The following CAMTA1 variants were observed in gnomAD, a reference collection of about 807,000 sequenced individuals.
CAMTA1 encodes the protein calmodulin binding transcription activator 1, also known as calmodulin-binding transcription activator 1.
Under a neutral mutation model 170.9 loss-of-function variants are expected in CAMTA1, and 27 were observed. That is an observed-to-expected ratio of 0.16 (90% CI 0.12 to 0.22). The LOEUF (loss-of-function observed/expected upper bound fraction) is 0.22. CAMTA1 is among the 10% of genes least tolerant of loss of function. CAMTA1 has a pLI of 1.00. For missense variants in CAMTA1, 1,619 were observed against 2,217.2 expected, an observed-to-expected ratio of 0.73 and a Z score of 5.42; for synonymous variants, 833 against 891.5, an observed-to-expected ratio of 0.93 and a Z score of 1.17.
chr1:7,766,504 G>C lies in CAMTA1; in HGVS notation c.*13G>C, dbSNP rs750841256. On this transcript the variant is annotated 3_prime_UTR_variant, in exon 23 of 23. Coordinates refer to ENST00000303635, the MANE Select transcript of CAMTA1 (RefSeq NM_015215.4). ...CCAAGGAACTTGAAGACATACAGCA[G>C]CATCCCTTAGCAATGTGACATTGCT... is the stretch of plus-strand genomic sequence containing the variant. 1 of 1,612,946 alleles carries C rather than the reference G, an allele frequency of 6.2e-7. No individual in the cohort carries two copies. Among genetic ancestry groups the C allele is most frequent in the Non-Finnish European group, 8.5e-7 (1 of 1,178,960 alleles).
In CAMTA1 at chr1:7,456,991, G is replaced by C. The variant is rs2693956; in HGVS notation, c.439-10839G>C. On this transcript the variant is annotated intron_variant, in intron 5 of 22. Transcript: ENST00000303635. The surrounding 1 kb of genome is among the most constrained non-coding windows in gnomAD (Gnocchi z 4.9). ...CAGCAGAGTTCGGCGCCGCCCTCCC[G>C]TTCCTCCTCCCTCCCATTCTTCCTC... is the stretch of plus-strand genomic sequence containing the variant. Among the ~76,000 whole-genome samples the C allele has an allele frequency of 6.7e-6, 1 of 149,664 alleles. No homozygotes were observed. The highest frequency in any genetic ancestry group is 1.5e-5 in the Non-Finnish European group (1 of 67,618).
chr1:6,992,846 A>G (rs1174526212), intron 3 of CAMTA1, among the ~76,000 whole-genome samples: 2 of 152,244 alleles, frequency 1.3e-5, no homozygotes, highest in East Asian at 1.9e-4. Context: ...ACAATTTGGC[A>G]TGATATTTGG....
chr1:7,759,342 T>G (rs1315040491), intron 22 of CAMTA1, among the ~76,000 whole-genome samples: 1 of 152,130 alleles, frequency 6.6e-6, no homozygotes, highest in South Asian at 2.1e-4. Context: ...ACCACTTGTG[T>G]CTTGAAATGT....
At chr1:7,687,121 C>T (rs1007785586) in intron 11 of CAMTA1, among the ~76,000 whole-genome samples, 9 of 151,492 alleles carry the variant, frequency 5.9e-5, no homozygotes, top group Non-Finnish European at 1.2e-4. Flanking sequence ...CGTTTAGCGC[C>T]CTAGGTCTGA....
At chr1:7,270,291 A>ATATTTTTT (rs1336977888) in intron 5 of CAMTA1, among the ~76,000 whole-genome samples, 12 of 110,544 alleles carry the variant, frequency 1.1e-4, no homozygotes, top group South Asian at 9.6e-4. Flanking sequence ...ATATATATAT[A>ATATTTTTT]TTTTTTTTTT....
intron 5 of CAMTA1, among the ~76,000 whole-genome samples, chr1:7,355,821 A>G (rs1055063559): frequency 1.8e-5 from 2 of 113,938 alleles, no homozygotes; most frequent in African/African-American, 3.5e-5. Context: ...CTCACAGGCC[A>G]CCTTGCTGGT....
intron 6 of CAMTA1, among the ~76,000 whole-genome samples, chr1:7,598,320 T>G (rs998506894): frequency 6.6e-6 from 1 of 152,252 alleles, no homozygotes; most frequent in Admixed American, 6.5e-5. Context: ...CACATTTTCT[T>G]AATCCAGTCT....
intron 5 of CAMTA1, among the ~76,000 whole-genome samples, chr1:7,385,293 G>T (rs2087823061): frequency 6.6e-6 from 1 of 152,024 alleles, no homozygotes; most frequent in Non-Finnish European, 1.5e-5. Context: ...GTTTCACCGT[G>T]TTAGCCAGGA....
chr1:7,218,442 G>A (rs1660146666), intron 4 of CAMTA1, among the ~76,000 whole-genome samples: 4 of 152,238 alleles, frequency 2.6e-5, no homozygotes, highest in South Asian at 2.1e-4. Context: ...TCAGTGCAGC[G>A]AAGTGCAGTT....
chr1:6,807,751 A>G (rs559898173), intron 1 of CAMTA1, among the ~76,000 whole-genome samples: 8 of 151,846 alleles, frequency 5.3e-5, no homozygotes, highest in African/African-American at 1.9e-4. Flanking sequence ...TTTCTTTGTG[A>G]CCTTCCATGG....
Position 7,493,174 on chromosome 1 carries a change from C to T in CAMTA1, c.510+25273C>T, listed in dbSNP as rs549142609. Reference sequence around the variant, plus strand: ...CAACACAAACCTACATACACGCGCACACAAATACAAACACGCACACACACA... The same window carrying T: ...CAACACAAACCTACATACACGCGCATACAAATACAAACACGCACACACACA... On this transcript the variant is annotated intron_variant, in intron 6 of 22. Transcript: ENST00000303635. 4.7e-5 allele frequency among the ~76,000 whole-genome samples: 7 copies of T among 148,560 alleles called. No homozygotes were observed. The East Asian group carries it at 9.9e-4, about 21-fold the overall frequency.
chr1:7,016,971 C>T (rs1042168731), intron 3 of CAMTA1, among the ~76,000 whole-genome samples: 3 of 152,230 alleles, frequency 2.0e-5, no homozygotes, highest in Non-Finnish European at 2.9e-5. Flanking sequence ...TCCCTGCCTA[C>T]TCACCTTTCT....
intron 1 of CAMTA1, among the ~76,000 whole-genome samples, chr1:6,797,741 T>G (rs976822541): frequency 2.6e-5 from 4 of 152,110 alleles, no homozygotes; most frequent in Admixed American, 2.0e-4. Context: ...CCTCCCATTC[T>G]TAAATGAAAC....
chr1:7,024,650 G>A (rs1425432203), intron 3 of CAMTA1, among the ~76,000 whole-genome samples: 1 of 152,110 alleles, frequency 6.6e-6, no homozygotes, highest in Non-Finnish European at 1.5e-5. Flanking sequence ...CTGCTCCATC[G>A]ACACCTTTCT....
In CAMTA1 at chr1:7,737,577, A is replaced by G; in HGVS notation, c.3658+7A>G. On this transcript the variant is annotated splice_region_variant and intron_variant, in intron 15 of 22. Transcript: ENST00000303635. Reference sequence around the variant, plus strand: ...ATTGCAAGCACCAACCCAGGTAAGAATTCAGAATCATGACATCTCAGAGCT... The same window carrying G: ...ATTGCAAGCACCAACCCAGGTAAGAGTTCAGAATCATGACATCTCAGAGCT... The G allele has an allele frequency of 6.3e-7, 1 of 1,594,846 alleles. No individual in the cohort carries two copies.
chr1:7,373,235 C>T (rs114515686), intron 5 of CAMTA1, among the ~76,000 whole-genome samples: 2,431 of 152,256 alleles, frequency 0.016, 63 homozygotes, highest in African/African-American at 0.056. Context: ...CCCAGTAGTA[C>T]CCCGTCTCTG....
intron 3 of CAMTA1, chr1:6,888,316 T>A (rs757149403): frequency 1.8e-5 from 17 of 919,952 alleles, no homozygotes; most frequent in Non-Finnish European, 2.1e-5. Flanking sequence ...ATAAAGCTTT[T>A]GTTGTGATTG....
At chr1:7,230,951 A>G (rs1662676195) in intron 4 of CAMTA1, among the ~76,000 whole-genome samples, 1 of 152,012 alleles carries the variant, frequency 6.6e-6, no homozygotes. Context: ...TGGCTGAGGG[A>G]ACCAGTGTAC....
intron 5 of CAMTA1, among the ~76,000 whole-genome samples, chr1:7,288,941 G>A (rs1308217129): frequency 6.6e-6 from 1 of 152,140 alleles, no homozygotes; most frequent in East Asian, 1.9e-4. Flanking sequence ...AGTTTAATTG[G>A]CTCCTGGTTC....
Sources: gnomAD v4.1 joint callset for allele counts (sites outside exome capture counted in the v4.1 genomes callset) on GRCh38, gnomAD v4.1.1 for gene constraint, Gnocchi (gnomAD v3.1) non-coding constraint, MANE v1.5 for transcripts, NCBI Gene and HGNC (gene_info 2026-07-23, HGNC 2026-07-21) for gene names.